The following SLC25A26 variants were observed in gnomAD, a reference collection of about 807,000 sequenced individuals.
SLC25A26 encodes the protein solute carrier family 25 member 26.
SLC25A26 carries 36 observed loss-of-function variants against 37.8 expected under a neutral mutation model. That is an observed-to-expected ratio of 0.95 (90% CI 0.73 to 1.26). SLC25A26 has a LOEUF of 1.26. Among genes scored for constraint, SLC25A26 ranks in the 50% most tolerant of loss-of-function variants. The pLI, the probability that SLC25A26 is intolerant of heterozygous loss-of-function variation, is 0.00. For missense variants in SLC25A26, 390 were observed against 331.1 expected, an observed-to-expected ratio of 1.18 and a Z score of -1.38; for synonymous variants, 129 against 122.5, an observed-to-expected ratio of 1.05 and a Z score of -0.35.
chr3:66,217,811 A>G (rs1445763798), upstream of SLC25A26, among the ~76,000 whole-genome samples: 3 of 152,256 alleles, frequency 2.0e-5, no homozygotes, highest in East Asian at 5.8e-4. Flanking sequence ...TGGCCTCCCA[A>G]AGTGCTGAGA....
intron 3 of SLC25A26, among the ~76,000 whole-genome samples, chr3:66,259,995 C>T (rs2073457412): frequency 1.3e-5 from 2 of 152,154 alleles, no homozygotes; most frequent in Admixed American, 6.5e-5. Flanking sequence ...CGCTGATTCC[C>T]CTGAACACCC....
chr3:66,334,817 C>T (rs1241727716), intron 5 of SLC25A26, among the ~76,000 whole-genome samples: 4 of 150,050 alleles, frequency 2.7e-5, no homozygotes, highest in Admixed American at 6.6e-5. Flanking sequence ...GGGAAATACA[C>T]GTGTGATGTA....
intron 1 of SLC25A26, among the ~76,000 whole-genome samples, chr3:66,213,801 A>G (rs1215430442): frequency 1.3e-5 from 2 of 151,912 alleles, no homozygotes; most frequent in East Asian, 3.9e-4. Flanking sequence ...CCTACCCACA[A>G]TATCTGTAGT....
chr3:66,239,209 G>A (rs148684301), intron 2 of SLC25A26, among the ~76,000 whole-genome samples: 5,847 of 151,186 alleles, frequency 0.039, 148 homozygotes, highest in Non-Finnish European at 0.06. Flanking sequence ...CTCTGGTGTG[G>A]TGTCTGTTAG....
At chr3:66,276,805 T>G (rs959229555) in intron 5 of SLC25A26, among the ~76,000 whole-genome samples, 1 of 151,914 alleles carries the variant, frequency 6.6e-6, no homozygotes, top group African/African-American at 2.4e-5. Flanking sequence ...TTTTTTTCCC[T>G]TTTTGAATAT....
At chr3:66,274,546 A>G (rs990881013) in intron 5 of SLC25A26, among the ~76,000 whole-genome samples, 1 of 152,224 alleles carries the variant, frequency 6.6e-6, no homozygotes, top group African/African-American at 2.4e-5. Context: ...ACTCAAACAA[A>G]TTTACAAGAA....
intron 5 of SLC25A26, among the ~76,000 whole-genome samples, chr3:66,271,811 A>G (rs1378295964): frequency 6.6e-6 from 1 of 151,956 alleles, no homozygotes; most frequent in African/African-American, 2.4e-5. Flanking sequence ...TCCATGAGTA[A>G]TTGTCTGTAC....
At chr3:66,147,486 G>T (rs1014420857) in intron 1 of SLC25A26, among the ~76,000 whole-genome samples, 4 of 151,820 alleles carry the variant, frequency 2.6e-5, no homozygotes, top group African/African-American at 9.7e-5. Context: ...TTCACTCGTT[G>T]GTTGATGGAC....
chr3:66,181,933 A>G (rs999911681), intron 1 of SLC25A26, among the ~76,000 whole-genome samples: 4 of 151,948 alleles, frequency 2.6e-5, no homozygotes, highest in African/African-American at 9.7e-5. Context: ...CCTGCCTGGG[A>G]GCGTGCCCGT....
chr3:66,226,083 C>T (rs1031721318), intron 1 of SLC25A26, among the ~76,000 whole-genome samples: 1 of 152,194 alleles, frequency 6.6e-6, no homozygotes, highest in East Asian at 1.9e-4. Context: ...TAGCACCCTA[C>T]TGTGGGTACC....
At chr3:66,163,735 C>T (rs1443555944) in intron 1 of SLC25A26, among the ~76,000 whole-genome samples, 1 of 152,198 alleles carries the variant, frequency 6.6e-6, no homozygotes, top group South Asian at 2.1e-4. Context: ...TCTCCAAGTT[C>T]TCTCTGCCTT....
At chr3:66,271,172 A>G (rs765230513) in intron 5 of SLC25A26, among the ~76,000 whole-genome samples, 12 of 152,160 alleles carry the variant, frequency 7.9e-5, no homozygotes, top group African/African-American at 2.9e-4. Flanking sequence ...TGTGGTTTTC[A>G]TCCCATGTGA....
intron 5 of SLC25A26, chr3:66,304,578 T>A: frequency 2.3e-6 from 1 of 434,306 alleles, no homozygotes; most frequent in Admixed American, 2.6e-5. Flanking sequence ...ACATGCTAAC[T>A]GGGATATACG....
At chr3:66,353,522 C>T (rs934543342) in intron 6 of SLC25A26, among the ~76,000 whole-genome samples, 3 of 152,104 alleles carry the variant, frequency 2.0e-5, no homozygotes, top group African/African-American at 4.8e-5. Flanking sequence ...TTATGCACAC[C>T]GCACATGATG....
intron 1 of SLC25A26, among the ~76,000 whole-genome samples, chr3:66,213,379 AAC>A (rs2071312670): frequency 7.0e-6 from 1 of 143,610 alleles, no homozygotes; most frequent in African/African-American, 2.6e-5. Context: ...CACCCTGGGA[AAC>A]AGAGCAAGAC....
intron 9 of SLC25A26, among the ~76,000 whole-genome samples, chr3:66,375,984 T>C (rs1156541916): frequency 2.0e-5 from 3 of 150,952 alleles, no homozygotes; most frequent in African/African-American, 7.3e-5. Context: ...GGTCAAAATA[T>C]TGACCATGCT....
chr3:66,287,185 A>G (rs1389493988), intron 5 of SLC25A26, among the ~76,000 whole-genome samples: 1 of 151,738 alleles, frequency 6.6e-6, no homozygotes, highest in African/African-American at 2.4e-5. Context: ...AGTCCCAGCT[A>G]CTCAGGAGGC....
intron 1 of SLC25A26, among the ~76,000 whole-genome samples, chr3:66,229,619 G>T (rs145221971): frequency 0.021 from 3,138 of 152,290 alleles, 106 homozygotes; most frequent in African/African-American, 0.072. Flanking sequence ...GGTCTCCCCA[G>T]CAGTGCGGAG....
intron 6 of SLC25A26, among the ~76,000 whole-genome samples, chr3:66,352,472 T>C (rs1396262119): frequency 2.0e-5 from 3 of 151,272 alleles, no homozygotes; most frequent in East Asian, 3.9e-4. Flanking sequence ...CCAAGGCCTT[T>C]ACATTTGTAG....
Sources: gnomAD v4.1 joint callset for allele counts (sites outside exome capture counted in the v4.1 genomes callset) on GRCh38, gnomAD v4.1.1 for gene constraint, MANE v1.5 for transcripts, NCBI Gene and HGNC (gene_info 2026-07-23, HGNC 2026-07-21) for gene names.